The following PTPRO variants were observed in gnomAD, a reference collection of about 807,000 sequenced individuals.
PTPRO encodes the protein protein tyrosine phosphatase receptor type O.
In PTPRO, 62 loss-of-function variants were observed where a neutral mutation model predicts 145.2. The ratio of observed to expected loss-of-function variants is 0.43; its 90% CI spans 0.35 to 0.53. The LOEUF (loss-of-function observed/expected upper bound fraction) is 0.53, where lower values mean the gene tolerates loss of function less well. Ranked by LOEUF, PTPRO falls within the 20% of genes least tolerant of loss-of-function variation. The pLI, the probability that PTPRO is intolerant of heterozygous loss-of-function variation, is 0.01. For missense variants in PTPRO, 1,345 were observed against 1,482.7 expected, an observed-to-expected ratio of 0.91 and a Z score of 1.53; for synonymous variants, 565 against 514.7, an observed-to-expected ratio of 1.10 and a Z score of -1.32.
intron 2 of PTPRO, among the ~76,000 whole-genome samples, chr12:15,493,999 C>T (rs567717615): frequency 1.3e-5 from 2 of 152,088 alleles, no homozygotes; most frequent in South Asian, 2.1e-4. Context: ...TAAAAACAAG[C>T]TGCAGGATAG....
At chr12:15,357,077 G>A (rs1462508249) in intron 1 of PTPRO, among the ~76,000 whole-genome samples, 1 of 152,192 alleles carries the variant, frequency 6.6e-6, no homozygotes, top group Admixed American at 6.5e-5. Context: ...TTAGAGCAGG[G>A]TATAAACAGG....
intron 8 of PTPRO, among the ~76,000 whole-genome samples, chr12:15,516,481 G>A (rs1328003212): frequency 1.1e-5 from 1 of 91,264 alleles, no homozygotes; most frequent in African/African-American, 3.8e-5. Context: ...AAAAGAAAAA[G>A]AGAGAGAAAG....
At chr12:15,333,160 T>A (rs888136985) in intron 1 of PTPRO, among the ~76,000 whole-genome samples, 5 of 152,216 alleles carry the variant, frequency 3.3e-5, no homozygotes, top group African/African-American at 1.2e-4. Flanking sequence ...GCATGGCACA[T>A]AGTAAGCATT....
At chr12:15,516,998 C>T in intron 9 of PTPRO, 42 bp downstream of exon 9, 1 of 1,524,274 alleles carries the variant, frequency 6.6e-7, no homozygotes, top group African/African-American at 1.4e-5. Context: ...CCTATGGGAA[C>T]AGGCAAACCT....
Position 15,483,960 on chromosome 12 carries a change from G to T in PTPRO, c.76-14G>T. On this transcript the variant is annotated splice_polypyrimidine_tract_variant and intron_variant, in intron 1 of 26. Coordinates refer to ENST00000281171, the MANE Select transcript of PTPRO (RefSeq NM_030667.3). ...TATAACCTCCATCTCTTTTTATTCT[G>T]TTTCATTCAACAGAATGCTACAGCT... is the stretch of plus-strand genomic sequence containing the variant. 3.7e-6 allele frequency: 6 copies of T among 1,611,456 alleles called. No homozygotes were observed. Among genetic ancestry groups the T allele is most frequent in the Non-Finnish European group, 5.1e-6 (6 of 1,178,080 alleles).
At chr12:15,532,702 A>C (rs920411075) in intron 12 of PTPRO, among the ~76,000 whole-genome samples, 5 of 152,058 alleles carry the variant, frequency 3.3e-5, no homozygotes, top group Non-Finnish European at 5.9e-5. Flanking sequence ...CCAACTTCCA[A>C]CTTTGCATAA....
intron 24 of PTPRO, among the ~76,000 whole-genome samples, chr12:15,587,808 G>A (rs2135666739): frequency 6.6e-6 from 1 of 152,246 alleles, no homozygotes; most frequent in East Asian, 1.9e-4. Context: ...GCAAGTGAGA[G>A]GTGGCAGTGG....
chr12:15,508,844 T>C, intron 7 of PTPRO, 77 bp downstream of exon 7: 3 of 1,460,094 alleles, frequency 2.1e-6, no homozygotes, highest in South Asian at 1.2e-5. Flanking sequence ...AAGGAGGCAA[T>C]TGTAGGAAGC....
chr12:15,513,181 G>GAA (rs1565675798), intron 7 of PTPRO, among the ~76,000 whole-genome samples: 1 of 87,930 alleles, frequency 1.1e-5, no homozygotes, highest in East Asian at 3.0e-4. Context: ...AAGAAAGAAA[G>GAA]AAAGAAAGAA....
At chr12:15,376,170 T>C (rs1216638092) in intron 1 of PTPRO, among the ~76,000 whole-genome samples, 1 of 152,042 alleles carries the variant, frequency 6.6e-6, no homozygotes, top group Non-Finnish European at 1.5e-5. Context: ...CTAGTCAGAC[T>C]GTCAAAAGAC....
At chr12:15,437,469 C>T (rs1419952772) in intron 1 of PTPRO, among the ~76,000 whole-genome samples, 2 of 151,950 alleles carry the variant, frequency 1.3e-5, no homozygotes, top group Admixed American at 1.3e-4. Flanking sequence ...AGGCAGATCA[C>T]CAGACATTCT....
chr12:15,497,522 G>T, intron 3 of PTPRO, 119 bp downstream of exon 3: 1 of 1,093,144 alleles, frequency 9.1e-7, no homozygotes, highest in African/African-American at 1.6e-5. Flanking sequence ...ACCTATAAAT[G>T]AGCCATTAAA....
intron 1 of PTPRO, among the ~76,000 whole-genome samples, chr12:15,397,783 G>A (rs957042634): frequency 6.6e-6 from 1 of 152,082 alleles, no homozygotes; most frequent in Non-Finnish European, 1.5e-5. Context: ...GGTGTAGGGA[G>A]ATATAGATAA....
intron 1 of PTPRO, among the ~76,000 whole-genome samples, chr12:15,466,712 T>C (rs1254049557): frequency 6.6e-6 from 1 of 152,188 alleles, no homozygotes; most frequent in African/African-American, 2.4e-5. Context: ...AACCTAAGGC[T>C]GAGAGAAATT....
chr12:15,365,554 T>A (rs1390602959), intron 1 of PTPRO, among the ~76,000 whole-genome samples: 1 of 152,182 alleles, frequency 6.6e-6, no homozygotes, highest in Non-Finnish European at 1.5e-5. Context: ...ACTTGTTTTA[T>A]GTAGGCCCAG....
chr12:15,325,123 T>C (rs577727849), intron 1 of PTPRO, among the ~76,000 whole-genome samples: 3 of 152,354 alleles, frequency 2.0e-5, no homozygotes, highest in South Asian at 4.1e-4. Flanking sequence ...ATAATTTCCA[T>C]AGTTTTCACT....
At chr12:15,325,499 TGTTG>T (rs946876070) in intron 1 of PTPRO, among the ~76,000 whole-genome samples, 4 of 152,188 alleles carry the variant, frequency 2.6e-5, no homozygotes, top group African/African-American at 7.2e-5. Flanking sequence ...CTAAACACAA[TGTTG>T]GTTATGAAAA....
chr12:15,416,204 C>T (rs1417862159), intron 1 of PTPRO, among the ~76,000 whole-genome samples: 3 of 151,698 alleles, frequency 2.0e-5, no homozygotes, highest in Non-Finnish European at 4.4e-5. Flanking sequence ...TTTCCCAATA[C>T]TATGCCCTTG....
At chr12:15,362,639 GT>G (rs1938244135) in intron 1 of PTPRO, among the ~76,000 whole-genome samples, 1 of 151,908 alleles carries the variant, frequency 6.6e-6, no homozygotes, top group African/African-American at 2.4e-5. Flanking sequence ...AAGTTATTGA[GT>G]TCATTAGAAA....
Sources: gnomAD v4.1 joint callset for allele counts (sites outside exome capture counted in the v4.1 genomes callset) on GRCh38, gnomAD v4.1.1 for gene constraint, MANE v1.5 for transcripts, NCBI Gene and HGNC (gene_info 2026-07-23, HGNC 2026-07-21) for gene names.